The following SCN4A variants were observed in gnomAD, a reference collection of about 807,000 sequenced individuals.
SCN4A encodes sodium voltage-gated channel alpha subunit 4.
Under a neutral mutation model 162.0 loss-of-function variants are expected in SCN4A, and 83 were observed. The ratio of observed to expected loss-of-function variants is 0.51; its 90% confidence interval spans 0.43 to 0.61. The LOEUF is 0.61. Among genes scored for constraint, SCN4A ranks in the 20% least tolerant of loss-of-function variants. SCN4A has a pLI of 0.00. For missense variants in SCN4A, 2,196 were observed against 2,462.5 expected (o/e 0.89, Z 2.29); for synonymous variants, 944 against 985.1 (o/e 0.96, Z 0.78).
chr17:63,964,906 G>T (rs1355003935), intron 8 of SCN4A, among the ~76,000 whole-genome samples: 3 of 152,234 alleles, frequency 2.0e-5, no homozygotes, highest in Non-Finnish European at 4.4e-5. Flanking sequence ...GAGGACCGAA[G>T]CCAGGCATCC....
chr17:63,949,892 G>A (rs1187710820), intron 14 of SCN4A, among the ~76,000 whole-genome samples: 5 of 152,168 alleles, frequency 3.3e-5, no homozygotes, highest in Middle Eastern at 3.4e-3. Context: ...GCAGGGGTAT[G>A]AAAAGGGGTC....
Position 63,941,140 on chromosome 17 carries a change from G to A in SCN4A, c.5142C>T (p.Ser1714=), listed in dbSNP as rs2144773471. 3.7e-6 allele frequency: 6 copies of A among 1,613,922 alleles called. No homozygotes were observed. The highest frequency in any genetic ancestry group is 1.3e-5 in the African/African-American group (1 of 75,002). The stretch of plus-strand genomic sequence containing the variant: ...TGAGGGTGGTGGTGATGGGCTCGTA[G>A]GACACCTTGGAGGGGTTGGCTGCCA... The part of the protein sequence containing the change: ...KFMAANPSKV[S]YEPITTTLKR... The change falls in exon 24 of 24, where the codon TCC becomes TCT. Residue 1714 remains serine, a synonymous_variant. Coordinates refer to ENST00000435607, the MANE Select transcript of SCN4A (RefSeq NM_000334.4). This position sits in a 1 kb window ranked among gnomAD's most constrained non-coding sequence, Gnocchi z 6.2.
Position 63,972,896 on chromosome 17 carries a change from A to G in SCN4A, c.-55T>C. 6.5e-7 allele frequency: 1 copy of G among 1,541,060 alleles called. No individual in the cohort carries two copies. Among genetic ancestry groups the G allele is most frequent in the Non-Finnish European group, 8.7e-7 (1 of 1,144,386 alleles). On this transcript the variant is annotated 5_prime_UTR_variant, in exon 1 of 24. Coordinates refer to ENST00000435607, the MANE Select transcript of SCN4A (RefSeq NM_000334.4). This position sits in a 1 kb window ranked among gnomAD's most constrained non-coding sequence, Gnocchi z 4.3. ...GGTGGTGGGTGGCCTGGGGAGCTGCAGTGCGCAGCCCCGGGGTGCTGGGCG... is the reference window on the plus strand; with the variant it reads ...GGTGGTGGGTGGCCTGGGGAGCTGCGGTGCGCAGCCCCGGGGTGCTGGGCG...
At chr17:63,953,346 C>A (rs371095835) in intron 13 of SCN4A, among the ~76,000 whole-genome samples, 13 of 150,568 alleles carry the variant, frequency 8.6e-5, no homozygotes, top group African/African-American at 2.7e-4. Context: ...GGCGACAGAG[C>A]GAGACTCCAT....
chr17:63,963,154 T>G (rs1909321893), intron 10 of SCN4A, among the ~76,000 whole-genome samples: 1 of 152,160 alleles, frequency 6.6e-6, no homozygotes, highest in South Asian at 2.1e-4. Flanking sequence ...ATTCACCCTC[T>G]CTCATCATGA....
chr17:63,944,015 G>A lies in SCN4A; in HGVS notation c.3913-165C>T, dbSNP rs1395689716. Among the ~76,000 whole-genome samples the A allele has an allele frequency of 6.6e-6, 1 of 152,110 alleles. No homozygotes were observed. The highest frequency in any genetic ancestry group is 1.5e-5 in the Non-Finnish European group (1 of 68,024). ...AGATGGAGGGACAAGGGGAGAATGCGGGACCGAGGAGAAGGGAGGGAAGGG... is the reference window on the plus strand; with the variant it reads ...AGATGGAGGGACAAGGGGAGAATGCAGGACCGAGGAGAAGGGAGGGAAGGG... On this transcript the variant is annotated intron_variant, in intron 21 of 23. Transcript: ENST00000435607. The surrounding 1 kb of genome is among the most constrained non-coding windows in gnomAD (Gnocchi z 4.3).
At position 63,945,525 on chromosome 17, in the gene SCN4A, C is replaced by T; in HGVS notation, c.3555G>A (p.Lys1185=). Residue 1185 remains lysine (K), a synonymous_variant, in exon 19 of 24, where the codon AAG becomes AAA. Transcript: ENST00000435607. The surrounding 1 kb of genome is among the most constrained non-coding windows in gnomAD (Gnocchi z 4.4). The stretch of plus-strand genomic sequence containing the variant: ...TGGTGGTGTTGATGCAGTAGTAGAA[C>T]TTGCCGGCAAACAGGTTGACACCCA... ...SIMGVNLFAG[K]FYYCINTTTS... is the part of the protein sequence containing the mutation. 6.2e-7 allele frequency: 1 copy of T among 1,613,942 alleles called. No individual in the cohort carries two copies. Among genetic ancestry groups the T allele is most frequent in the Non-Finnish European group, 8.5e-7 (1 of 1,179,874 alleles).
At chr17:63,962,286 G>A (rs1238042108) in intron 10 of SCN4A, among the ~76,000 whole-genome samples, 1 of 152,192 alleles carries the variant, frequency 6.6e-6, no homozygotes, top group Non-Finnish European at 1.5e-5. Flanking sequence ...AGATCCCTCG[G>A]GGATGCACTG....
chr17:63,956,473 A>T (rs1909074987), intron 13 of SCN4A, among the ~76,000 whole-genome samples: 3 of 151,336 alleles, frequency 2.0e-5, no homozygotes, highest in African/African-American at 7.3e-5. Flanking sequence ...CTGGTCTTGA[A>T]CTCCTGGCCT....
chr17:63,964,372 C>T, intron 9 of SCN4A, 96 bp downstream of exon 9: 1 of 1,097,446 alleles, frequency 9.1e-7, no homozygotes, highest in Non-Finnish European at 1.4e-6. Flanking sequence ...CCTGTACCCT[C>T]CCTCACCCTC....
Position 63,966,152 on chromosome 17 carries a change from C to T in SCN4A, c.1192G>A (p.Ala398Thr), listed in dbSNP as rs1174261819. 1.3e-6 allele frequency: 2 copies of T among 1,591,248 alleles called. No homozygotes were observed. The highest frequency in any genetic ancestry group is 3.6e-5 in the Admixed American group (2 of 56,314). Residue 398 changes from alanine to threonine, a missense_variant, in exon 8 of 24, where the codon GCT becomes ACT. Physicochemically the swap from Ala to Thr is moderately conservative, Grantham distance 58. Transcript: ENST00000435607. ...SYDTFSWAFL[A>T]LFRLMTQDYW... ...TCCTGTGTCATGAGGCGGAAGAGAG[C>T]CAAGAAGGCCCAGCTGAAGGTGTCA...
At position 63,941,870 on chromosome 17, in the gene SCN4A, A is replaced by T; in HGVS notation, c.4412T>A (p.Leu1471Gln). 1 of 1,613,976 alleles carries T rather than the reference A, an allele frequency of 6.2e-7. No individual in the cohort carries two copies. The highest frequency in any genetic ancestry group is 8.5e-7 in the Non-Finnish European group (1 of 1,179,814). The change falls in exon 24 of 24, where the codon CTG (leucine) becomes CAG (glutamine). Residue 1471 changes from leucine to glutamine, a missense_variant. Coordinates refer to ENST00000435607, the MANE Select transcript of SCN4A (RefSeq NM_000334.4). The surrounding 1 kb of genome is among the most constrained non-coding windows in gnomAD (Gnocchi z 6.2). ...LIRGAKGIRT[L>Q]LFALMMSLPA... is the part of the protein sequence containing the mutation. Reference sequence around the variant, plus strand: ...CAGCGACATCATGAGGGCGAACAGCAGCGTCCGGATGCCCTTGGCCCCGCG... The same window carrying T: ...CAGCGACATCATGAGGGCGAACAGCTGCGTCCGGATGCCCTTGGCCCCGCG...
rs1908696064 is a variant in SCN4A, at chr17:63,945,716, G to A, written c.3442-78C>T. ...CTCCACATCTCTACGCCACCCAGGG[G>A]ACCAGGCAGAGCTGGGCATTGTCAA... On this transcript the variant is annotated intron_variant, in intron 18 of 23. Coordinates refer to ENST00000435607, the MANE Select transcript of SCN4A (RefSeq NM_000334.4). The surrounding 1 kb of genome is among the most constrained non-coding windows in gnomAD (Gnocchi z 4.4). 2 of 1,494,868 alleles carry A rather than the reference G, an allele frequency of 1.3e-6. No homozygotes were observed. Among genetic ancestry groups the A allele is most frequent in the Admixed American group, 3.4e-5 (2 of 58,440 alleles). 92.6% of individuals were successfully genotyped at this position (1,494,868 alleles called of 1,614,324 possible).
At position 63,959,357 on chromosome 17, in the gene SCN4A, T is replaced by G; in HGVS notation, c.1927A>C (p.Asn643His). The G allele has an allele frequency of 2.5e-6, 4 of 1,614,008 alleles. No homozygotes were observed. The highest frequency in any genetic ancestry group is 3.4e-6 in the Non-Finnish European group (4 of 1,179,886). Residue 643 changes from asparagine to histidine, a missense_variant, in exon 12 of 24, where the codon AAT becomes CAT. Asn to His is a moderately conservative substitution (Grantham distance 68, BLOSUM62 1). Transcript: ENST00000435607. ...DPYEYFQQGWNIFDSIIVTLS... is the reference protein window; with the variant it reads ...DPYEYFQQGWHIFDSIIVTLS... Reference sequence around the variant, plus strand: ...GTGACGATGATGCTGTCGAAGATATTCCAACCCTGCTGGAAATACTCGTAG... The same window carrying G: ...GTGACGATGATGCTGTCGAAGATATGCCAACCCTGCTGGAAATACTCGTAG...
chr17:63,962,702 T>A (rs773135240), intron 10 of SCN4A, among the ~76,000 whole-genome samples: 1 of 152,070 alleles, frequency 6.6e-6, no homozygotes, highest in Non-Finnish European at 1.5e-5. Flanking sequence ...ATTAGCACAC[T>A]GAGTGTCACT....
In SCN4A at chr17:63,957,426, C is replaced by G. The variant is rs374119331; in HGVS notation, c.2112G>C (p.Thr704=). The change falls in exon 13 of 24, where the codon ACG becomes ACC. Residue 704 remains threonine (T), a synonymous_variant. Transcript: ENST00000435607. ...TGAACACGATGATAGCCAGCACCAGCGTCAGGTTACCCAGCGCCCCCACTG... is the reference window on the plus strand; with the variant it reads ...TGAACACGATGATAGCCAGCACCAGGGTCAGGTTACCCAGCGCCCCCACTG... ...GNSVGALGNL[T]LVLAIIVFIF... is the part of the protein sequence containing the mutation. The G allele has an allele frequency of 6.2e-7, 1 of 1,614,058 alleles. No homozygotes were observed. Among genetic ancestry groups the G allele is most frequent in the Non-Finnish European group, 8.5e-7 (1 of 1,179,942 alleles).
intron 10 of SCN4A, among the ~76,000 whole-genome samples, chr17:63,963,408 A>T (rs552181145): frequency 6.6e-6 from 1 of 152,210 alleles, no homozygotes; most frequent in Non-Finnish European, 1.5e-5. Flanking sequence ...TGCAGCTAGA[A>T]CTGGGCCAGG....
chr17:63,972,552 C>A lies in SCN4A; in HGVS notation c.273+17G>T, dbSNP rs375940672. On this transcript the variant is annotated intron_variant, in intron 1 of 23. Coordinates refer to ENST00000435607, the MANE Select transcript of SCN4A (RefSeq NM_000334.4). This position sits in a 1 kb window ranked among gnomAD's most constrained non-coding sequence, Gnocchi z 4.3. ...ATGGATGGCAGACAGACAGAGGAAG[C>A]CTTCCCAGGCCCAGACCTTCTTATT... The A allele has an allele frequency of 1.6e-5, 26 of 1,592,958 alleles. No homozygotes were observed. The highest frequency in any genetic ancestry group is 2.0e-5 in the Non-Finnish European group (23 of 1,169,478).
intron 7 of SCN4A, 27 bp from the exon 8 acceptor site, chr17:63,966,270 T>C (rs951609578): frequency 1.7e-5 from 27 of 1,596,182 alleles, no homozygotes; most frequent in Non-Finnish European, 2.0e-5. Flanking sequence ...GGGCTGGGTT[T>C]AGGGTGGGAG....
Sources: allele counts gnomAD v4.1 joint callset (sites outside exome capture counted in the v4.1 genomes callset), GRCh38; gene constraint gnomAD v4.1.1; non-coding constraint Gnocchi (gnomAD v3.1); transcripts MANE v1.5; gene names NCBI Gene and HGNC (gene_info 2026-07-23, HGNC 2026-07-21).